TTC28: variants seen among roughly 807,000 people sequenced by gnomAD.
TTC28 encodes the protein tetratricopeptide repeat protein 28.
A neutral mutation model predicts 198.0 loss-of-function variants in TTC28; 61 were observed. The observed-to-expected ratio is 0.31, with a 90% confidence interval of 0.25 to 0.38. The LOEUF (loss-of-function observed/expected upper bound fraction) is 0.38, where lower values mean the gene tolerates loss of function less well. TTC28 is among the 10% of genes least tolerant of loss of function. The pLI is 1.00. For missense variants in TTC28, 2,678 were observed against 3,164.0 expected (o/e 0.85, Z 3.69); for synonymous variants, 1,171 against 1,297.8 (o/e 0.90, Z 2.10).
At position 28,285,562 on chromosome 22, in the gene TTC28, TCAC is replaced by T. The variant is rs568972312; in HGVS notation, c.933+10633_933+10635del. On this transcript the variant is annotated intron_variant, in intron 5 of 22. Transcript: ENST00000397906. ...CTGAAAGAATGGATCTTCAGTGTCTTCACCACCCCCAACTCATACAAACGATAA... is the reference window on the plus strand; with the variant it reads ...CTGAAAGAATGGATCTTCAGTGTCTTCACCCCCAACTCATACAAACGATAA... 2.8e-4 allele frequency among the ~76,000 whole-genome samples: 42 copies of T among 152,296 alleles called. No homozygotes were observed. The South Asian group carries it at 8.5e-3, about 31-fold the overall frequency.
At chr22:28,464,731 T>G (rs1205676171) in intron 2 of TTC28, among the ~76,000 whole-genome samples, 8 of 152,204 alleles carry the variant, frequency 5.3e-5, no homozygotes, top group Non-Finnish European at 1.2e-4. Flanking sequence ...TACTATCTCT[T>G]AAGTTTTTCC....
intron 5 of TTC28, among the ~76,000 whole-genome samples, chr22:28,291,898 A>G (rs1210568625): frequency 3.9e-5 from 6 of 152,186 alleles, no homozygotes; most frequent in African/African-American, 1.2e-4. Flanking sequence ...GTGGAAAAAC[A>G]TAAGTGCAAA....
chr22:28,476,319 A>G (rs1166483120), intron 2 of TTC28, among the ~76,000 whole-genome samples: 1 of 152,184 alleles, frequency 6.6e-6, no homozygotes, highest in African/African-American at 2.4e-5. Context: ...CCCCTTATGT[A>G]TAACGTTGTG....
At chr22:28,609,890 A>G (rs1010636226) in intron 2 of TTC28, among the ~76,000 whole-genome samples, 1 of 152,144 alleles carries the variant, frequency 6.6e-6, no homozygotes, top group Non-Finnish European at 1.5e-5. Context: ...GGGACACTCA[A>G]GCTTGGTGGG....
chr22:28,178,715 A>AAGC (rs1395738266), intron 5 of TTC28, among the ~76,000 whole-genome samples: 1 of 152,228 alleles, frequency 6.6e-6, no homozygotes. Flanking sequence ...GTAAAATCTA[A>AAGC]AGCATTTTTC....
chr22:28,311,857 T>C (rs1287004596), intron 2 of TTC28, among the ~76,000 whole-genome samples: 1 of 151,906 alleles, frequency 6.6e-6, no homozygotes, highest in Non-Finnish European at 1.5e-5. Flanking sequence ...ATCATTCTAC[T>C]CTATCTCCAT....
At chr22:28,302,976 T>C (rs918307943) in intron 3 of TTC28, among the ~76,000 whole-genome samples, 1 of 152,234 alleles carries the variant, frequency 6.6e-6, no homozygotes, top group African/African-American at 2.4e-5. Context: ...GAAAAGCTTA[T>C]ACATTTAACA....
In TTC28 at chr22:27,989,968, CCTT is replaced by C; in HGVS notation, c.5614_5616del (p.Lys1872del). The C allele has an allele frequency of 6.4e-7, 1 of 1,551,228 alleles. No homozygotes were observed. The highest frequency in any genetic ancestry group is 8.7e-7 in the Non-Finnish European group (1 of 1,146,900). On this transcript the variant is annotated inframe_deletion, in exon 21 of 23. Transcript: ENST00000397906. Reference sequence around the variant, plus strand: ...ATGGGAGCTGATGCCAAGTCCTGCTCCTTCTCGCCAGCCTGGAGCTGAACCAGC... The same window carrying C: ...ATGGGAGCTGATGCCAAGTCCTGCTCCTCGCCAGCCTGGAGCTGAACCAGC...
chr22:28,205,588 T>C (rs1926335347), intron 5 of TTC28, among the ~76,000 whole-genome samples: 1 of 152,140 alleles, frequency 6.6e-6, no homozygotes, highest in African/African-American at 2.4e-5. Context: ...ATTGACCTAT[T>C]TGGCTAGTAT....
chr22:28,409,170 T>G (rs545204363), intron 2 of TTC28, among the ~76,000 whole-genome samples: 1 of 152,324 alleles, frequency 6.6e-6, no homozygotes, highest in East Asian at 1.9e-4. Flanking sequence ...AATTCTTAAA[T>G]ACTACAGTTC....
chr22:28,371,706 C>T lies in TTC28; in HGVS notation c.382-65063G>A, dbSNP rs545295726. 4.0e-3 allele frequency among the ~76,000 whole-genome samples: 553 copies of T among 139,602 alleles called. 5 individuals are homozygous for T. The highest frequency in any genetic ancestry group is 0.018 in the Middle Eastern group (5 of 284). The allele number at this position is 139,602 out of a possible 152,430, so 91.6% of individuals were successfully genotyped here. ...CAAGCGATTCTCTGCCTCAGCCTCC[C>T]GAATAGCTGGGATTACAGGCACCCA... is the stretch of plus-strand genomic sequence containing the variant. On this transcript the variant is annotated intron_variant, in intron 2 of 22. Coordinates refer to ENST00000397906, the MANE Select transcript of TTC28 (RefSeq NM_001145418.2).
At position 28,318,073 on chromosome 22, in the gene TTC28, ATTTTTTTTTT is replaced by A. The variant is rs35011623; in HGVS notation, c.382-11440_382-11431del. Among the ~76,000 whole-genome samples, 14 of 139,816 alleles carry A rather than the reference ATTTTTTTTTT, an allele frequency of 1.0e-4. No homozygotes were observed. The South Asian group carries it at 3.3e-3, about 33-fold the overall frequency. The allele number at this position is 139,816 out of a possible 152,430, so 91.7% of individuals were successfully genotyped here. On this transcript the variant is annotated intron_variant, in intron 2 of 22. Transcript: ENST00000397906. ...TGTGTGCCACCAACCCAGCTAATTAATTTTTTTTTTTTTTTTTTAGAGATGAGAGTCTTAC... is the reference window on the plus strand; with the variant it reads ...TGTGTGCCACCAACCCAGCTAATTAATTTTTTTTAGAGATGAGAGTCTTAC...
chr22:28,376,354 G>A (rs1057414499), intron 2 of TTC28, among the ~76,000 whole-genome samples: 1 of 152,112 alleles, frequency 6.6e-6, no homozygotes, highest in African/African-American at 2.4e-5. Flanking sequence ...TATACTAAGT[G>A]CTTTGTGTGT....
At chr22:28,536,788 T>C (rs1374750988) in intron 2 of TTC28, among the ~76,000 whole-genome samples, 1 of 152,158 alleles carries the variant, frequency 6.6e-6, no homozygotes, top group Non-Finnish European at 1.5e-5. Context: ...ACCAATAGAA[T>C]TTTTTAATTA....
At position 28,032,217 on chromosome 22, in the gene TTC28, TAAA is replaced by T. The variant is rs1352028938; in HGVS notation, c.3933-1854_3933-1852del. Among the ~76,000 whole-genome samples the T allele has an allele frequency of 7.4e-3, 851 of 114,594 alleles. 28 individuals are homozygous for T. The highest frequency in any genetic ancestry group is 0.027 in the African/African-American group (787 of 29,508). The allele number at this position is 114,594 out of a possible 152,430, so 75.2% of individuals were successfully genotyped here. ...TATATATATATAAAATATATATATATAAAATATATATATATAAAATATATATAT... is the reference window on the plus strand; with the variant it reads ...TATATATATATAAAATATATATATATATATATATATATAAAATATATATAT... On this transcript the variant is annotated intron_variant, in intron 12 of 22. Coordinates refer to ENST00000397906, the MANE Select transcript of TTC28 (RefSeq NM_001145418.2).
chr22:28,653,960 T>G (rs1035657129), intron 1 of TTC28, among the ~76,000 whole-genome samples: 3 of 152,248 alleles, frequency 2.0e-5, no homozygotes, highest in African/African-American at 7.2e-5. Flanking sequence ...ATGTCTTGTA[T>G]GCCTCTGTAA....
intron 2 of TTC28, among the ~76,000 whole-genome samples, chr22:28,377,237 G>A (rs2046426101): frequency 2.1e-5 from 3 of 145,836 alleles, no homozygotes; most frequent in Non-Finnish European, 3.0e-5. Context: ...CATGGGACTA[G>A]GACATAATAT....
chr22:28,100,809 T>C (rs749272819), intron 9 of TTC28, among the ~76,000 whole-genome samples: 7 of 152,186 alleles, frequency 4.6e-5, no homozygotes, highest in Non-Finnish European at 7.3e-5. Context: ...TATGGCCTTA[T>C]TGTAAAAGAG....
intron 6 of TTC28, among the ~76,000 whole-genome samples, chr22:28,142,851 C>T (rs1943373444): frequency 6.6e-6 from 1 of 152,186 alleles, no homozygotes. Context: ...ATCACCACCA[C>T]CATGAGAGTC....
Sources: gnomAD v4.1 joint callset for allele counts (sites outside exome capture counted in the v4.1 genomes callset) on GRCh38, gnomAD v4.1.1 for gene constraint, MANE v1.5 for transcripts, NCBI Gene and HGNC (gene_info 2026-07-23, HGNC 2026-07-21) for gene names.